MIPOL1: variants seen among roughly 807,000 people sequenced by gnomAD.
MIPOL1 encodes the protein mirror-image polydactyly gene 1 protein.
MIPOL1 carries 57 observed loss-of-function variants against 60.9 expected under a neutral mutation model. The observed-to-expected ratio is 0.94, with a 90% CI of 0.76 to 1.17. MIPOL1 has a LOEUF of 1.17. MIPOL1 is among the 50% of genes most tolerant of loss of function. The pLI, the probability that MIPOL1 is intolerant of heterozygous loss-of-function variation, is 0.00. For synonymous variants in MIPOL1, 179 were observed against 168.8 expected, an observed-to-expected ratio of 1.06 and a Z score of -0.47; for missense variants, 551 against 511.6, an observed-to-expected ratio of 1.08 and a Z score of -0.74.
At chr14:37,353,536 T>C (rs1216279943) in intron 9 of MIPOL1, among the ~76,000 whole-genome samples, 1 of 152,084 alleles carries the variant, frequency 6.6e-6, no homozygotes, top group Non-Finnish European at 1.5e-5. Context: ...CATCTGGTCC[T>C]GGACTCTTTT....
At chr14:37,496,959 G>A (rs1186521449) in intron 11 of MIPOL1, among the ~76,000 whole-genome samples, 1 of 151,580 alleles carries the variant, frequency 6.6e-6, no homozygotes. Flanking sequence ...CAGAGATATA[G>A]ATCAATGGAA....
chr14:37,242,347 C>T (rs1289509436), intron 1 of MIPOL1, among the ~76,000 whole-genome samples: 1 of 151,974 alleles, frequency 6.6e-6, no homozygotes, highest in Non-Finnish European at 1.5e-5. Flanking sequence ...CCTATTCAAG[C>T]ATGTATATAT....
chr14:37,324,443 G>T (rs529984539), intron 9 of MIPOL1, among the ~76,000 whole-genome samples: 2 of 152,080 alleles, frequency 1.3e-5, no homozygotes, highest in Admixed American at 6.6e-5. Flanking sequence ...TGTGGTTCTG[G>T]ATGTGGTTCT....
At chr14:37,252,348 A>G (rs1187515766) in intron 3 of MIPOL1, among the ~76,000 whole-genome samples, 1 of 151,966 alleles carries the variant, frequency 6.6e-6, no homozygotes, top group Non-Finnish European at 1.5e-5. Context: ...GGCTGTGTAA[A>G]TAGAATTCTT....
chr14:37,297,670 CAG>C (rs529477775), intron 7 of MIPOL1, among the ~76,000 whole-genome samples: 1,868 of 152,172 alleles, frequency 0.012, 14 homozygotes, highest in Middle Eastern at 0.031. Context: ...AACAGACAAA[CAG>C]AGAGCCAAAT....
rs1463685433 is a variant in MIPOL1, at chr14:37,400,736, A to G, written c.937-22119A>G. The G allele has an allele frequency of 3.3e-5, 5 of 152,282 alleles. No homozygotes were observed. The South Asian group carries it at 1.0e-3, about 32-fold the overall frequency. The allele number at this position is 152,282 out of a possible 1,614,324, so 9.4% of individuals were successfully genotyped here. A position where few individuals can be genotyped will look rare whatever the true frequency, so the allele number is the denominator to read the frequency against. On this transcript the variant is annotated intron_variant, in intron 10 of 12. Transcript: ENST00000684589. ...GAAGAAACTACCCCTTGTCCTGTTA[A>G]TGGTTGTGCCCTACAGAAAGTTGCC...
chr14:37,213,514 C>T (rs377425401), intron 1 of MIPOL1, among the ~76,000 whole-genome samples: 2 of 151,980 alleles, frequency 1.3e-5, no homozygotes, highest in East Asian at 1.9e-4. Context: ...TGAAAATACA[C>T]AGTCAGAAAA....
intron 10 of MIPOL1, among the ~76,000 whole-genome samples, chr14:37,403,432 C>CTTTTTTTT (rs11415779): frequency 1.1e-5 from 1 of 94,114 alleles, no homozygotes; most frequent in Non-Finnish European, 1.9e-5. Context: ...AGGTTTCTAG[C>CTTTTTTTT]TTTTTTTTTT....
intron 1 of MIPOL1, among the ~76,000 whole-genome samples, chr14:37,217,073 C>T (rs1471465479): frequency 6.6e-6 from 1 of 152,040 alleles, no homozygotes; most frequent in Non-Finnish European, 1.5e-5. Flanking sequence ...GAAAATGAGA[C>T]ATTACAACTG....
intron 10 of MIPOL1, among the ~76,000 whole-genome samples, chr14:37,418,809 A>C (rs1369941745): frequency 6.6e-6 from 1 of 152,116 alleles, no homozygotes; most frequent in Non-Finnish European, 1.5e-5. Context: ...GTAGGTGGTC[A>C]AAAAGTGGCA....
At chr14:37,365,589 G>A (rs929995164) in intron 9 of MIPOL1, among the ~76,000 whole-genome samples, 17 of 151,962 alleles carry the variant, frequency 1.1e-4, no homozygotes, top group African/African-American at 2.7e-4. Context: ...TCTTTTTAAC[G>A]TATTGTTGAC....
At chr14:37,351,516 GT>G (rs1319237660) in intron 9 of MIPOL1, among the ~76,000 whole-genome samples, 1 of 151,338 alleles carries the variant, frequency 6.6e-6, no homozygotes, top group Admixed American at 6.6e-5. Flanking sequence ...CTAGTTTACA[GT>G]CCCACCAACA....
chr14:37,302,939 A>G (rs2086445268), intron 7 of MIPOL1, among the ~76,000 whole-genome samples: 1 of 151,876 alleles, frequency 6.6e-6, no homozygotes, highest in Non-Finnish European at 1.5e-5. Flanking sequence ...TATAGTCATT[A>G]AAACTTTAGA....
At chr14:37,441,192 G>A (rs1470682450) in intron 11 of MIPOL1, among the ~76,000 whole-genome samples, 2 of 152,008 alleles carry the variant, frequency 1.3e-5, no homozygotes, top group South Asian at 2.1e-4. Flanking sequence ...CAGGTTGTCT[G>A]TTCACTTTGT....
intron 10 of MIPOL1, among the ~76,000 whole-genome samples, chr14:37,373,607 A>T (rs1253081222): frequency 6.6e-6 from 1 of 151,756 alleles, no homozygotes. Flanking sequence ...TCACTGTTCA[A>T]CTCCCACTTA....
intron 3 of MIPOL1, among the ~76,000 whole-genome samples, chr14:37,253,058 T>C (rs997443340): frequency 1.3e-5 from 2 of 151,800 alleles, no homozygotes; most frequent in Non-Finnish European, 3.0e-5. Context: ...TGTATTAAAT[T>C]ACAGGACTTA....
At chr14:37,218,831 G>A (rs1473544436) in intron 1 of MIPOL1, among the ~76,000 whole-genome samples, 2 of 151,484 alleles carry the variant, frequency 1.3e-5, no homozygotes, top group East Asian at 1.9e-4. Context: ...AGGCTGAGGT[G>A]GGAGTATTGG....
At chr14:37,499,806 A>ATT in intron 11 of MIPOL1, 102 bp from the exon 12 acceptor site, 1 of 525,310 alleles carries the variant, frequency 1.9e-6, no homozygotes, top group East Asian at 3.0e-5. Context: ...GTATTTATTG[A>ATT]TTTTTAGAAC....
intron 7 of MIPOL1, among the ~76,000 whole-genome samples, chr14:37,298,786 A>T (rs2086052613): frequency 6.6e-6 from 1 of 151,728 alleles, no homozygotes; most frequent in African/African-American, 2.4e-5. Flanking sequence ...ATCATTAAAA[A>T]GTCAGGAAAC....
Sources: gnomAD v4.1 joint callset for allele counts (sites outside exome capture counted in the v4.1 genomes callset) on GRCh38, gnomAD v4.1.1 for gene constraint, MANE v1.5 for transcripts, NCBI Gene and HGNC (gene_info 2026-07-23, HGNC 2026-07-21) for gene names.